MYT1L: variants seen among roughly 807,000 people sequenced by gnomAD.
The protein encoded by MYT1L is myelin transcription factor 1-like protein.
Under a neutral mutation model 126.7 loss-of-function variants are expected in MYT1L, and 12 were observed. That is an observed-to-expected ratio of 0.09 (90% CI 0.06 to 0.15). The LOEUF is 0.15. Among genes scored for constraint, MYT1L ranks in the 10% least tolerant of loss-of-function variants. The probability of loss-of-function intolerance (pLI) is 1.00; values close to 1 mark genes in which losing one functional copy is unlikely to be tolerated. For synonymous variants in MYT1L, 541 were observed against 604.2 expected (o/e 0.90, Z 1.53); for missense variants, 979 against 1,585.2 (o/e 0.62, Z 6.49).
intron 2 of MYT1L, among the ~76,000 whole-genome samples, chr2:2,252,179 T>A (rs981572098): frequency 9.2e-5 from 14 of 152,128 alleles, no homozygotes; most frequent in Non-Finnish European, 2.1e-4. Context: ...CTGGCTTCGT[T>A]CTCAAGGAGG....
chr2:1,864,898 G>A (rs2045253222), intron 18 of MYT1L, among the ~76,000 whole-genome samples: 1 of 152,190 alleles, frequency 6.6e-6, no homozygotes, highest in Non-Finnish European at 1.5e-5. Context: ...TGTTCCAAGT[G>A]TCTTTCCTGG....
intron 3 of MYT1L, among the ~76,000 whole-genome samples, chr2:2,143,436 A>G (rs1332591723): frequency 6.6e-6 from 1 of 152,042 alleles, no homozygotes; most frequent in African/African-American, 2.4e-5. Context: ...TTCACCCCAC[A>G]TGGCCACACT....
At chr2:2,293,283 C>A (rs188753651) in intron 1 of MYT1L, among the ~76,000 whole-genome samples, 4 of 152,118 alleles carry the variant, frequency 2.6e-5, no homozygotes, top group Non-Finnish European at 4.4e-5. Flanking sequence ...AAAGAAAATG[C>A]CTGTGTATTC....
intron 3 of MYT1L, among the ~76,000 whole-genome samples, chr2:2,145,282 G>A (rs959713139): frequency 1.2e-4 from 18 of 152,332 alleles, no homozygotes; most frequent in Admixed American, 3.3e-4. Context: ...CTCCATGGCC[G>A]TCTGGGGCAT....
chr2:2,205,833 G>C (rs2148864021), intron 2 of MYT1L, among the ~76,000 whole-genome samples: 1 of 152,140 alleles, frequency 6.6e-6, no homozygotes, highest in East Asian at 1.9e-4. Context: ...ATCCTTACGT[G>C]GTCAACCAAG....
At chr2:1,808,818 G>A (rs544486552) in intron 22 of MYT1L, among the ~76,000 whole-genome samples, 10 of 152,310 alleles carry the variant, frequency 6.6e-5, no homozygotes, top group Non-Finnish European at 1.5e-4. Context: ...GGAGTAAATC[G>A]TCCAGTGCTG....
chr2:2,209,757 G>T (rs904965174), intron 2 of MYT1L, among the ~76,000 whole-genome samples: 33 of 152,094 alleles, frequency 2.2e-4, no homozygotes, highest in Non-Finnish European at 2.8e-4. Context: ...CAGTGAACAC[G>T]GGAGAGCAGA....
At chr2:1,800,849 C>A (rs1488038201) in intron 23 of MYT1L, among the ~76,000 whole-genome samples, 2 of 151,958 alleles carry the variant, frequency 1.3e-5, no homozygotes, top group Non-Finnish European at 1.5e-5. Flanking sequence ...TGGTCAGCAT[C>A]CCCCGAGAAC....
chr2:2,190,555 T>TAAAAAAAAAAAAAAA (rs777939174), intron 2 of MYT1L, among the ~76,000 whole-genome samples: 1 of 108,450 alleles, frequency 9.2e-6, no homozygotes, highest in African/African-American at 3.4e-5. Flanking sequence ...CAAGACCTGT[T>TAAAAAAAAAAAAAAA]AAAAAAAAAA....
rs190272483 is a variant in MYT1L at position 1,938,912 on chromosome 2, C to T, written c.505+4070G>A. ...ATAGTCCTTCTATAACCTGTGGGTT[C>T]CTATTGTAATAATCTGGGGGTTTGT... On this transcript the variant is annotated intron_variant, in intron 9 of 24. Coordinates refer to ENST00000647738, the MANE Select transcript of MYT1L (RefSeq NM_001303052.2). Among the ~76,000 whole-genome samples, 10 of 152,312 alleles carry T rather than the reference C, an allele frequency of 6.6e-5. No homozygotes were observed. The East Asian group carries it at 1.9e-3, about 29-fold the overall frequency.
chr2:1,937,486 C>T (rs1028332919), intron 9 of MYT1L, among the ~76,000 whole-genome samples: 1 of 150,688 alleles, frequency 6.6e-6, no homozygotes, highest in Admixed American at 6.6e-5. Flanking sequence ...GTCGAGAAGG[C>T]CCTAACGTCC....
chr2:2,079,699 C>T (rs1312289019), intron 3 of MYT1L, among the ~76,000 whole-genome samples: 4 of 151,700 alleles, frequency 2.6e-5, no homozygotes, highest in African/African-American at 4.8e-5. Flanking sequence ...CCCAGCTACT[C>T]GGGAGGCTGA....
In MYT1L at chr2:1,983,406, A is replaced by G. The variant is rs189827637; in HGVS notation, c.1-3629T>C. ...GGTTTCAAAAGCTGTTTTAAATTTT[A>G]CATTTACATAGCTGTTTAATAAGTG... On this transcript the variant is annotated intron_variant, in intron 5 of 24. Transcript: ENST00000647738. Among the ~76,000 whole-genome samples the G allele has an allele frequency of 4.6e-3, 695 of 152,364 alleles. 3 individuals are homozygous for G. Among genetic ancestry groups the G allele is most frequent in the Admixed American group, 7.8e-3 (120 of 15,306 alleles).
chr2:2,210,723 T>A (rs1353294778), intron 2 of MYT1L, among the ~76,000 whole-genome samples: 1 of 152,216 alleles, frequency 6.6e-6, no homozygotes, highest in African/African-American at 2.4e-5. Context: ...TCTTTTGTGG[T>A]TACATATTAA....
intron 2 of MYT1L, among the ~76,000 whole-genome samples, chr2:2,268,126 A>T (rs1021689707): frequency 2.6e-5 from 4 of 152,228 alleles, no homozygotes; most frequent in Non-Finnish European, 5.9e-5. Flanking sequence ...ATGCAAGCCC[A>T]CATCCATTTG....
chr2:2,067,384 G>C (rs866198183), intron 3 of MYT1L, among the ~76,000 whole-genome samples: 20 of 152,250 alleles, frequency 1.3e-4, no homozygotes, highest in African/African-American at 4.3e-4. Flanking sequence ...ACAAAAGATG[G>C]AACTGTATTC....
At chr2:2,260,315 T>C (rs1025974555) in intron 2 of MYT1L, among the ~76,000 whole-genome samples, 1 of 152,218 alleles carries the variant, frequency 6.6e-6, no homozygotes, top group Non-Finnish European at 1.5e-5. Flanking sequence ...GAGAAAAGTT[T>C]TGTGAATAGA....
intron 18 of MYT1L, among the ~76,000 whole-genome samples, chr2:1,869,780 G>A (rs951878390): frequency 6.6e-6 from 1 of 152,128 alleles, no homozygotes; most frequent in African/African-American, 2.4e-5. Context: ...AGAAGTTGAG[G>A]TTTGAAGAAA....
At chr2:1,949,259 G>C (rs960815811) in intron 8 of MYT1L, among the ~76,000 whole-genome samples, 1 of 152,234 alleles carries the variant, frequency 6.6e-6, no homozygotes, top group African/African-American at 2.4e-5. Context: ...ACTTTGGGTA[G>C]AGTGAAAAGG....
Sources: gnomAD v4.1 joint callset for allele counts (sites outside exome capture counted in the v4.1 genomes callset) on GRCh38, gnomAD v4.1.1 for gene constraint, MANE v1.5 for transcripts, NCBI Gene and HGNC (gene_info 2026-07-23, HGNC 2026-07-21) for gene names.